Variants in ADAMTS17 observed in about 807,000 individuals in gnomAD.
ADAMTS17 encodes A disintegrin and metalloproteinase with thrombospondin motifs 17.
A neutral mutation model predicts 141.5 loss-of-function variants in ADAMTS17; 113 were observed. That is an observed-to-expected ratio of 0.80 (90% CI 0.69 to 0.93). The LOEUF (loss-of-function observed/expected upper bound fraction) is 0.93, where lower values mean the gene tolerates loss of function less well. Among genes scored for constraint, ADAMTS17 ranks in the 40% least tolerant of loss-of-function variants. ADAMTS17 has a pLI of 0.00. For missense variants in ADAMTS17, 1,659 were observed against 1,517.9 expected (o/e 1.09, Z -1.54); for synonymous variants, 768 against 630.6 (o/e 1.22, Z -3.27).
intron 3 of ADAMTS17, among the ~76,000 whole-genome samples, chr15:100,317,140 T>A (rs1264150621): frequency 6.6e-6 from 1 of 152,082 alleles, no homozygotes; most frequent in African/African-American, 2.4e-5. Flanking sequence ...CAAAAAAAAA[T>A]CCTAAGATTT....
At chr15:100,277,281 G>A (rs971864751) in intron 4 of ADAMTS17, among the ~76,000 whole-genome samples, 2 of 152,056 alleles carry the variant, frequency 1.3e-5, no homozygotes, top group Non-Finnish European at 2.9e-5. Context: ...GAAGAGGGGT[G>A]CAGGGTGTTT....
chr15:100,318,562 T>C (rs1050729495), intron 3 of ADAMTS17, among the ~76,000 whole-genome samples: 1 of 152,222 alleles, frequency 6.6e-6, no homozygotes, highest in Non-Finnish European at 1.5e-5. Context: ...AGTACCTTGA[T>C]CTTGGGCTTC....
chr15:100,269,238 T>C (rs547981678), intron 4 of ADAMTS17, among the ~76,000 whole-genome samples: 1 of 152,342 alleles, frequency 6.6e-6, no homozygotes. Flanking sequence ...CATGACTAAG[T>C]CCTAAAAGCA....
intron 12 of ADAMTS17, among the ~76,000 whole-genome samples, chr15:100,122,388 T>C (rs2037495170): frequency 6.6e-6 from 1 of 152,230 alleles, no homozygotes; most frequent in Non-Finnish European, 1.5e-5. Flanking sequence ...CACAATTTGC[T>C]ACCTAAATAA....
chr15:99,987,664 T>C (rs2060617561), intron 20 of ADAMTS17, among the ~76,000 whole-genome samples: 1 of 152,154 alleles, frequency 6.6e-6, no homozygotes, highest in Non-Finnish European at 1.5e-5. Context: ...CCTCATCCCA[T>C]GGAATCTAAT....
At chr15:100,325,000 C>T (rs1407464785) in intron 3 of ADAMTS17, among the ~76,000 whole-genome samples, 1 of 152,208 alleles carries the variant, frequency 6.6e-6, no homozygotes, top group African/African-American at 2.4e-5. Context: ...GACCAGCCAA[C>T]GATGGTGTCT....
At chr15:100,207,532 G>A (rs1324221151) in intron 7 of ADAMTS17, among the ~76,000 whole-genome samples, 1 of 151,882 alleles carries the variant, frequency 6.6e-6, no homozygotes, top group African/African-American at 2.4e-5. Flanking sequence ...GCCACCTAAT[G>A]CGCCATGGGC....
chr15:100,055,971 T>C (rs1057325008), intron 15 of ADAMTS17, among the ~76,000 whole-genome samples: 1 of 152,202 alleles, frequency 6.6e-6, no homozygotes, highest in African/African-American at 2.4e-5. Flanking sequence ...ACTGCACTTA[T>C]CACTCTGACA....
intron 14 of ADAMTS17, among the ~76,000 whole-genome samples, chr15:100,099,748 G>C (rs1385503803): frequency 7.1e-6 from 1 of 140,272 alleles, no homozygotes; most frequent in Non-Finnish European, 1.6e-5. Context: ...GATGGTATGA[G>C]ATGGTATGAG....
intron 8 of ADAMTS17, among the ~76,000 whole-genome samples, chr15:100,172,484 CCATCCTGACT>C: frequency 6.6e-6 from 1 of 152,264 alleles, no homozygotes; most frequent in East Asian, 1.9e-4. Flanking sequence ...GTCACCTGCC[CCATCCTGACT>C]CATCCTGGTC....
At chr15:100,301,809 C>T (rs953591202) in intron 3 of ADAMTS17, among the ~76,000 whole-genome samples, 3 of 152,154 alleles carry the variant, frequency 2.0e-5, no homozygotes, top group Admixed American at 6.5e-5. Flanking sequence ...TTTTCTCCCA[C>T]ATCCCTTTCC....
At chr15:100,175,339 T>C (rs990552284) in intron 8 of ADAMTS17, among the ~76,000 whole-genome samples, 1 of 152,200 alleles carries the variant, frequency 6.6e-6, no homozygotes, top group Non-Finnish European at 1.5e-5. Context: ...GTCCTTATCC[T>C]TGGTCACCCG....
chr15:100,043,023 G>A lies in ADAMTS17; in HGVS notation c.2591+5834C>T, dbSNP rs137897391. On this transcript the variant is annotated intron_variant, in intron 18 of 21. Coordinates refer to ENST00000268070, the MANE Select transcript of ADAMTS17 (RefSeq NM_139057.4). The stretch of plus-strand genomic sequence containing the variant: ...ATGTATGTACGCACGGATCTATCTT[G>A]TTAGGAATTGCAAGAGCTTCAAAAT... 2.9e-3 allele frequency among the ~76,000 whole-genome samples: 446 copies of A among 152,276 alleles called. 16 individuals are homozygous for A. The highest frequency in any genetic ancestry group is 0.026 in the Admixed American group (404 of 15,302).
At position 100,048,938 on chromosome 15, in the gene ADAMTS17, A is replaced by G. The variant is rs1217866781; in HGVS notation, c.2510T>C (p.Leu837Pro). The change falls in exon 18 of 22, where the codon CTG (leucine) becomes CCG (proline). Residue 837 changes from leucine to proline, a missense_variant. Leu to Pro is a moderately conservative substitution (Grantham distance 98). Coordinates refer to ENST00000268070, the MANE Select transcript of ADAMTS17 (RefSeq NM_139057.4). ...CTRIVNKTTT[L>P]VNDSDCPQAS... The stretch of plus-strand genomic sequence containing the variant: ...TTGAGGGCAGTCACTGTCGTTCACC[A>G]GAGTTGTGGTCTTGTTGACAATCCG... The G allele has an allele frequency of 6.2e-7, 1 of 1,614,120 alleles. No homozygotes were observed. Among genetic ancestry groups the G allele is most frequent in the Non-Finnish European group, 8.5e-7 (1 of 1,180,016 alleles).
At chr15:100,113,026 C>T (rs910475691) in intron 13 of ADAMTS17, among the ~76,000 whole-genome samples, 1 of 152,176 alleles carries the variant, frequency 6.6e-6, no homozygotes, top group Non-Finnish European at 1.5e-5. Context: ...TCCAAGTTCT[C>T]CCTGGTCCTC....
intron 6 of ADAMTS17, among the ~76,000 whole-genome samples, chr15:100,254,963 G>A (rs886803187): frequency 2.0e-5 from 3 of 152,024 alleles, no homozygotes; most frequent in Non-Finnish European, 4.4e-5. Context: ...GTTTACCTAT[G>A]TAATGAACCT....
chr15:100,112,228 G>C (rs1398500856), intron 13 of ADAMTS17, among the ~76,000 whole-genome samples: 1 of 152,182 alleles, frequency 6.6e-6, no homozygotes. Context: ...CTGGCCACGA[G>C]CCTTGCACGA....
chr15:100,267,268 T>A (rs1043153544), intron 4 of ADAMTS17, among the ~76,000 whole-genome samples: 1 of 152,112 alleles, frequency 6.6e-6, no homozygotes, highest in East Asian at 1.9e-4. Flanking sequence ...TGGCATACTG[T>A]CCTCAAAGTT....
rs940579920 is a variant in ADAMTS17, at chr15:100,215,671, T to G, written c.1076-16248A>C. Among the ~76,000 whole-genome samples, 5 of 151,896 alleles carry G rather than the reference T, an allele frequency of 3.3e-5. No individual in the cohort carries two copies. In the East Asian group the frequency reaches 7.7e-4, roughly 24 times the overall value. The stretch of plus-strand genomic sequence containing the variant: ...GCAGACCCTGGAGTGCCCTTCTTGG[T>G]CCCTCCCCAGGTGTAAGGATGATGC... On this transcript the variant is annotated intron_variant, in intron 7 of 21. Coordinates refer to ENST00000268070, the MANE Select transcript of ADAMTS17 (RefSeq NM_139057.4).
Sources: gnomAD v4.1 joint callset for allele counts (sites outside exome capture counted in the v4.1 genomes callset) on GRCh38, gnomAD v4.1.1 for gene constraint, MANE v1.5 for transcripts, NCBI Gene and HGNC (gene_info 2026-07-23, HGNC 2026-07-21) for gene names.